FMN1: variants seen among roughly 807,000 people sequenced by gnomAD.
The protein encoded by FMN1 is formin 1.
FMN1 carries 110 observed loss-of-function variants against 132.4 expected under a neutral mutation model. The observed-to-expected ratio is 0.83, with a 90% confidence interval of 0.71 to 0.97. FMN1 has a LOEUF of 0.97. Ranked by LOEUF, FMN1 falls within the 50% of genes least tolerant of loss-of-function variation. FMN1 has a pLI of 0.00. For missense variants in FMN1, 1,792 were observed against 1,705.3 expected (o/e 1.05, Z -0.90); for synonymous variants, 722 against 651.7 (o/e 1.11, Z -1.64).
At chr15:32,821,722 T>C (rs1276278732) in intron 17 of FMN1, among the ~76,000 whole-genome samples, 1 of 152,074 alleles carries the variant, frequency 6.6e-6, no homozygotes, top group Non-Finnish European at 1.5e-5. Flanking sequence ...AGTGCTGGGA[T>C]TACAGGCATG....
intron 17 of FMN1, among the ~76,000 whole-genome samples, chr15:32,830,956 AC>A (rs1490154080): frequency 6.6e-6 from 1 of 151,552 alleles, no homozygotes; most frequent in South Asian, 2.1e-4. Context: ...TCCTCCAAAC[AC>A]CCCCCACCAC....
At chr15:33,175,733 C>T (rs1272371487) in intron 3 of FMN1, among the ~76,000 whole-genome samples, 1 of 152,160 alleles carries the variant, frequency 6.6e-6, no homozygotes, top group African/African-American at 2.4e-5. Flanking sequence ...GCACTCTTCC[C>T]ATCCCACACA....
chr15:32,895,654 A>G (rs911313679), intron 15 of FMN1, among the ~76,000 whole-genome samples: 2 of 152,126 alleles, frequency 1.3e-5, no homozygotes, highest in Non-Finnish European at 2.9e-5. Flanking sequence ...CTAATTCTAT[A>G]TATCTAGTTG....
At chr15:32,805,278 A>C (rs181753720) in intron 17 of FMN1, among the ~76,000 whole-genome samples, 1 of 152,096 alleles carries the variant, frequency 6.6e-6, no homozygotes, top group East Asian at 1.9e-4. Context: ...GCATTTTTTC[A>C]TGTGTCTATT....
At chr15:33,070,272 T>A (rs559183890) in intron 5 of FMN1, among the ~76,000 whole-genome samples, 1 of 152,002 alleles carries the variant, frequency 6.6e-6, no homozygotes, top group East Asian at 1.9e-4. Flanking sequence ...CCCAAAGTGC[T>A]AGGATTACAG....
intron 16 of FMN1, among the ~76,000 whole-genome samples, chr15:32,866,828 C>G (rs1031435813): frequency 6.6e-6 from 1 of 152,152 alleles, no homozygotes; most frequent in Non-Finnish European, 1.5e-5. Flanking sequence ...GACTACTTCT[C>G]CTTTGTAAAA....
chr15:32,804,426 AGGT>A, intron 17 of FMN1, 94 bp from the exon 18 acceptor site: 2 of 25,736 alleles, frequency 7.8e-5, no homozygotes. Flanking sequence ...TTACCACAGG[AGGT>A]CTGAATTCGG....
In FMN1 at chr15:32,775,855, T is replaced by C. The variant is rs199948307; in HGVS notation, c.4215+980A>G. ...AAAAGGTACTAATAATCTAAAAGGA[T>C]AAAGTAAGTAGTTGTTGGACATCAG... On this transcript the variant is annotated intron_variant, in intron 20 of 20. Transcript: ENST00000616417. 4.6e-5 allele frequency among the ~76,000 whole-genome samples: 7 copies of C among 152,272 alleles called. No individual in the cohort carries two copies. The East Asian group carries it at 1.4e-3, about 29-fold the overall frequency.
rs1964562138 is a variant in FMN1 at position 33,154,030 on chromosome 15, C to G, written c.885G>C (p.Leu295Phe). 1.3e-6 allele frequency: 2 copies of G among 1,536,340 alleles called. No homozygotes were observed. Among genetic ancestry groups the G allele is most frequent in the Non-Finnish European group, 8.7e-7 (1 of 1,146,884 alleles). ...TCTCAGGGTCCTGGTGACTTTCAGACAAACCTGTTTGCTGATGCTCCAGCC... is the reference window on the plus strand; with the variant it reads ...TCTCAGGGTCCTGGTGACTTTCAGAGAAACCTGTTTGCTGATGCTCCAGCC... ...PSGLEHQQTG[L>F]SESHQDPEKH... The change falls in exon 4 of 21, where the codon TTG becomes TTC. Residue 295 changes from leucine (L) to phenylalanine (F), a missense_variant. Leu to Phe is a conservative substitution (Grantham distance 22). Transcript: ENST00000616417.
chr15:33,095,329 C>T (rs1013133284), intron 4 of FMN1, among the ~76,000 whole-genome samples: 1 of 151,958 alleles, frequency 6.6e-6, no homozygotes, highest in Non-Finnish European at 1.5e-5. Flanking sequence ...GCCTGGGCAA[C>T]AGAGTAAGAC....
intron 4 of FMN1, among the ~76,000 whole-genome samples, chr15:33,125,206 A>G (rs186428122): frequency 4.6e-5 from 7 of 151,756 alleles, no homozygotes; most frequent in Non-Finnish European, 1.0e-4. Context: ...CAGCTTAAGA[A>G]GGTCACCTAA....
At chr15:32,813,895 T>C (rs188679531) in intron 17 of FMN1, among the ~76,000 whole-genome samples, 1 of 152,334 alleles carries the variant, frequency 6.6e-6, no homozygotes, top group African/African-American at 2.4e-5. Flanking sequence ...CAACGCTCCC[T>C]GCTGCTTCCC....
At chr15:32,857,778 C>G (rs966527371) in intron 16 of FMN1, among the ~76,000 whole-genome samples, 2 of 152,188 alleles carry the variant, frequency 1.3e-5, no homozygotes, top group South Asian at 2.1e-4. Context: ...GGTGACTTGA[C>G]TTTTTAAAAA....
chr15:33,095,891 GC>G (rs1276953055), intron 4 of FMN1, among the ~76,000 whole-genome samples: 1 of 151,374 alleles, frequency 6.6e-6, no homozygotes, highest in Non-Finnish European at 1.5e-5. Context: ...AAAATACTAA[GC>G]CCTGGATTAT....
At position 32,854,827 on chromosome 15, in the gene FMN1, T is replaced by A. The variant is rs140317827; in HGVS notation, c.3928+2188A>T. Among the ~76,000 whole-genome samples the A allele has an allele frequency of 4.6e-5, 7 of 151,926 alleles. No homozygotes were observed. The East Asian group carries it at 1.4e-3, about 29-fold the overall frequency. ...TACCTGGGAGGCTGAGGCAGAAGAA[T>A]TGCTTGAACCCGGGAGGTGGAGGTT... On this transcript the variant is annotated intron_variant, in intron 17 of 20. Transcript: ENST00000616417.
intron 6 of FMN1, among the ~76,000 whole-genome samples, chr15:33,051,419 T>C (rs1020640186): frequency 3.9e-5 from 6 of 152,106 alleles, no homozygotes; most frequent in Admixed American, 3.9e-4. Context: ...TAGTCAGACA[T>C]GAGCAGGGCA....
chr15:33,033,873 C>T (rs534890971), intron 6 of FMN1, among the ~76,000 whole-genome samples: 2 of 152,114 alleles, frequency 1.3e-5, no homozygotes, highest in African/African-American at 2.4e-5. Context: ...CTCTATCACG[C>T]GGCACACTCC....
At chr15:33,056,417 G>C (rs944194722) in intron 6 of FMN1, among the ~76,000 whole-genome samples, 8 of 152,174 alleles carry the variant, frequency 5.3e-5, no homozygotes, top group Non-Finnish European at 1.2e-4. Context: ...GTCAGAAAAA[G>C]GAAAATGACA....
intron 8 of FMN1, among the ~76,000 whole-genome samples, chr15:32,967,907 T>C (rs780099402): frequency 6.6e-6 from 1 of 152,260 alleles, no homozygotes; most frequent in Non-Finnish European, 1.5e-5. Flanking sequence ...AAACAAACTT[T>C]AAAGGAGAAA....
Sources: gnomAD v4.1 joint callset for allele counts (sites outside exome capture counted in the v4.1 genomes callset) on GRCh38, gnomAD v4.1.1 for gene constraint, MANE v1.5 for transcripts, NCBI Gene and HGNC (gene_info 2026-07-23, HGNC 2026-07-21) for gene names.